The following KMT2E variants were observed in gnomAD, a reference collection of about 807,000 sequenced individuals.
The protein encoded by KMT2E is histone reader KMT2E.
KMT2E carries 30 observed loss-of-function variants against 184.6 expected under a neutral mutation model. The observed-to-expected ratio is 0.16, with a 90% CI of 0.12 to 0.22. The LOEUF is 0.22. Ranked by LOEUF, KMT2E falls within the 10% of genes least tolerant of loss-of-function variation. KMT2E has a pLI of 1.00. For missense variants in KMT2E, 2,023 were observed against 2,237.4 expected, an observed-to-expected ratio of 0.90 and a Z score of 1.93; for synonymous variants, 815 against 776.5, an observed-to-expected ratio of 1.05 and a Z score of -0.82.
intron 10 of KMT2E, 38 bp from the exon 11 acceptor site, chr7:105,077,261 ACAAG>A: frequency 2.5e-6 from 4 of 1,602,204 alleles, no homozygotes; most frequent in South Asian, 2.2e-5. Context: ...TAAACTGAAA[ACAAG>A]CAAGTTTATT....
At chr7:105,110,713 T>G in intron 25 of KMT2E, 58 bp from the exon 26 acceptor site, 1 of 1,581,976 alleles carries the variant, frequency 6.3e-7, no homozygotes, top group East Asian at 2.2e-5. Context: ...CTTTGTGGTG[T>G]TAAAACAGTG....
Position 105,081,682 on chromosome 7 carries a change from T to G in KMT2E, c.1249-6T>G. On this transcript the variant is annotated splice_polypyrimidine_tract_variant and splice_region_variant and intron_variant, in intron 12 of 26. Transcript: ENST00000311117. ...TATGGTAATGTACAATTATTTTAAC[T>G]TTTAGGTGAGGCATGAAATTCAAGA... 1 of 1,341,644 alleles carries G rather than the reference T, an allele frequency of 7.5e-7. No individual in the cohort carries two copies. The highest frequency in any genetic ancestry group is 1.1e-6 in the Non-Finnish European group (1 of 948,728). The allele number at this position is 1,341,644 out of a possible 1,614,324, so 83.1% of individuals were successfully genotyped here.
At chr7:105,058,273 T>G (rs1796652371) in intron 3 of KMT2E, among the ~76,000 whole-genome samples, 1 of 152,196 alleles carries the variant, frequency 6.6e-6, no homozygotes, top group Non-Finnish European at 1.5e-5. Flanking sequence ...GGTGGGACTG[T>G]GTGCTTCTTA....
In KMT2E at chr7:105,112,865, A is replaced by G. The variant is rs1436673316; in HGVS notation, c.5109A>G (p.Leu1703=). The G allele has an allele frequency of 3.7e-6, 6 of 1,601,430 alleles. No homozygotes were observed. The highest frequency in any genetic ancestry group is 3.3e-5 in the South Asian group (3 of 90,694). Residue 1703 remains leucine (L), a synonymous_variant, in exon 27 of 27, where the codon CTA becomes CTG. Coordinates refer to ENST00000311117, the MANE Select transcript of KMT2E (RefSeq NM_182931.3). The part of the protein sequence containing the change: ...PPHPSTGLQG[L]QAQHQHVVNS... The stretch of plus-strand genomic sequence containing the variant: ...ATCCATCCACAGGACTCCAAGGTCT[A>G]CAAGCACAACACCAGCATGTTGTAA...
intron 6 of KMT2E, among the ~76,000 whole-genome samples, chr7:105,071,620 T>A (rs1473538657): frequency 3.5e-4 from 40 of 114,682 alleles, no homozygotes; most frequent in African/African-American, 1.2e-3. Context: ...TTTTTTTTTT[T>A]TTTTTTTTTT....
At chr7:105,033,887 G>A (rs1437742187) in intron 1 of KMT2E, among the ~76,000 whole-genome samples, 1 of 152,134 alleles carries the variant, frequency 6.6e-6, no homozygotes, top group African/African-American at 2.4e-5. Flanking sequence ...AAAGGGAAAT[G>A]GGCACGTGTG....
At chr7:105,065,456 T>C (rs1434122181) in intron 5 of KMT2E, among the ~76,000 whole-genome samples, 2 of 152,218 alleles carry the variant, frequency 1.3e-5, no homozygotes, top group East Asian at 3.8e-4. Flanking sequence ...AACAACACAG[T>C]AGCAGTTAGT....
At position 105,057,759 on chromosome 7, in the gene KMT2E, T is replaced by C. The variant is rs116904709; in HGVS notation, c.72-4405T>C. Among the ~76,000 whole-genome samples the C allele has an allele frequency of 6.9e-3, 1,050 of 152,268 alleles. 9 individuals are homozygous for C. Among genetic ancestry groups the C allele is most frequent in the Middle Eastern group, 0.017 (5 of 294 alleles). Reference sequence around the variant, plus strand: ...GAGCCACTGCGCCCAGCCTCTTAAGTATTTTAAAACAAATTCCCATTTCTC... The same window carrying C: ...GAGCCACTGCGCCCAGCCTCTTAAGCATTTTAAAACAAATTCCCATTTCTC... On this transcript the variant is annotated intron_variant, in intron 3 of 26. Transcript: ENST00000311117.
intron 17 of KMT2E, 22 bp from the exon 18 acceptor site, chr7:105,105,417 C>T (rs777029583): frequency 2.6e-6 from 4 of 1,538,108 alleles, no homozygotes; most frequent in Admixed American, 2.2e-5. Flanking sequence ...ATATAATGAT[C>T]CAATTTTTTT....
At chr7:105,023,065 C>G (rs940448105) in intron 1 of KMT2E, among the ~76,000 whole-genome samples, 2 of 152,112 alleles carry the variant, frequency 1.3e-5, no homozygotes, top group Non-Finnish European at 2.9e-5. Flanking sequence ...AGATGTGCTT[C>G]TAGTTCCTTA....
chr7:105,030,963 G>C (rs112362131), intron 1 of KMT2E, among the ~76,000 whole-genome samples: 73 of 152,270 alleles, frequency 4.8e-4, no homozygotes, highest in Middle Eastern at 6.8e-3. Flanking sequence ...AAAATCTCAA[G>C]TTTTCTAGTA....
At chr7:105,080,244 A>C (rs1562913687) in intron 12 of KMT2E, among the ~76,000 whole-genome samples, 1 of 152,198 alleles carries the variant, frequency 6.6e-6, no homozygotes, top group Non-Finnish European at 1.5e-5. Flanking sequence ...TCTAAAGTAG[A>C]TTTTGTATGT....
chr7:105,109,843 CT>C (rs34727137), intron 23 of KMT2E, among the ~76,000 whole-genome samples: 24,159 of 136,104 alleles, frequency 0.18, 2,192 homozygotes, highest in East Asian at 0.57. Flanking sequence ...ATAAGATTAA[CT>C]TTTTTTTTTT....
In KMT2E at chr7:105,107,147, ATTCT is replaced by A. The variant is rs1436824029; in HGVS notation, c.2848-12_2848-9del. Reference sequence around the variant, plus strand: ...ACGTATTTTTAAATTTTCAATTCTAATTCTTTCTTTATATACAGAATATTTCTTC... The same window carrying A: ...ACGTATTTTTAAATTTTCAATTCTAATTCTTTATATACAGAATATTTCTTC... On this transcript the variant is annotated splice_polypyrimidine_tract_variant and intron_variant, in intron 20 of 26. Transcript: ENST00000311117. 2 of 1,318,030 alleles carry A rather than the reference ATTCT, an allele frequency of 1.5e-6. No homozygotes were observed. Among genetic ancestry groups the A allele is most frequent in the Non-Finnish European group, 2.1e-6 (2 of 950,218 alleles). 81.6% of individuals were successfully genotyped at this position (1,318,030 alleles called of 1,614,324 possible).
Position 105,107,774 on chromosome 7 carries a change from G to A in KMT2E, c.3317G>A (p.Cys1106Tyr). 1 of 1,614,126 alleles carries A rather than the reference G, an allele frequency of 6.2e-7. No homozygotes were observed. The change falls in exon 22 of 27, where the codon TGC becomes TAC. Residue 1106 changes from cysteine (C) to tyrosine (Y), a missense_variant. This residue lies in a region of KMT2E where 1,108 missense variants were observed against 1,050.9 expected (regional missense o/e 1.05). Transcript: ENST00000311117. ...GGCTTCCGAATAAGTGAGTCAAAGTGCCTGATGCAGGATGATACTAGAGGC... is the reference window on the plus strand; with the variant it reads ...GGCTTCCGAATAAGTGAGTCAAAGTACCTGATGCAGGATGATACTAGAGGC... ...GGGFRISESK[C>Y]LMQDDTRGMF...
chr7:105,032,195 G>C (rs753284532), intron 1 of KMT2E, among the ~76,000 whole-genome samples: 2 of 151,618 alleles, frequency 1.3e-5, no homozygotes, highest in Non-Finnish European at 1.5e-5. Flanking sequence ...TGTAATCCCA[G>C]CATTTTGGAA....
intron 6 of KMT2E, 151 bp from the exon 7 acceptor site, chr7:105,073,468 T>C (rs999895): frequency 0.21 from 105,572 of 500,578 alleles, 18,198 homozygotes; most frequent in East Asian, 0.62. Flanking sequence ...TACTATTAGA[T>C]TGTATGTAAA....
chr7:105,042,358 T>A, intron 3 of KMT2E, among the ~76,000 whole-genome samples: 1 of 141,440 alleles, frequency 7.1e-6, no homozygotes, highest in East Asian at 2.9e-4. Context: ...ATAAACAATT[T>A]TTTCTTATAA....
rs28413880 is a variant in KMT2E at position 105,092,417 on chromosome 7, G to C, written c.1722+1103G>C. Among the ~76,000 whole-genome samples, 888 of 152,012 alleles carry C rather than the reference G, an allele frequency of 5.8e-3. 13 individuals carry two copies. The highest frequency in any genetic ancestry group is 0.021 in the African/African-American group (851 of 41,464). ...ACTCCATCTCCAAAAAAAAAAGTTTGGTCATTGTTGACCTACTTAATATGT... is the reference window on the plus strand; with the variant it reads ...ACTCCATCTCCAAAAAAAAAAGTTTCGTCATTGTTGACCTACTTAATATGT... On this transcript the variant is annotated intron_variant, in intron 15 of 26. Transcript: ENST00000311117.
Sources: gnomAD v4.1 joint callset for allele counts (sites outside exome capture counted in the v4.1 genomes callset) on GRCh38, gnomAD v4.1.1 for gene constraint, gnomAD v4.1.1 regional missense constraint, MANE v1.5 for transcripts, NCBI Gene and HGNC (gene_info 2026-07-23, HGNC 2026-07-21) for gene names.